The following ARID1B variants were observed in gnomAD, a reference collection of about 807,000 sequenced individuals.
The protein encoded by ARID1B is AT-rich interactive domain-containing protein 1B.
ARID1B carries 30 observed loss-of-function variants against 212.3 expected under a neutral mutation model. That is an observed-to-expected ratio of 0.14 (90% CI 0.11 to 0.19). ARID1B has a LOEUF of 0.19. Ranked by LOEUF, ARID1B falls within the 10% of genes least tolerant of loss-of-function variation. The probability of loss-of-function intolerance (pLI) is 1.00; values close to 1 mark genes in which losing one functional copy is unlikely to be tolerated. For synonymous variants in ARID1B, 1,402 were observed against 1,301.7 expected (o/e 1.08, Z -1.66); for missense variants, 2,891 against 3,204.0 (o/e 0.90, Z 2.36).
Position 157,198,804 on chromosome 6 carries a change from A to G in ARID1B, c.4383-7A>G, listed in dbSNP as rs112318565. The G allele has an allele frequency of 0.059, 94,160 of 1,604,956 alleles. 7,292 individuals are homozygous for G. The highest frequency in any genetic ancestry group is 0.39 in the African/African-American group (28,825 of 74,774). On this transcript the variant is annotated splice_polypyrimidine_tract_variant and splice_region_variant and intron_variant, in intron 16 of 19. Transcript: ENST00000636930. ...CAGTTAAGTTTTCTTTGAATGCCTC[A>G]TTCCAGGCATGAACCTTATGGGCAG...
chr6:157,035,251 T>G (rs1190798575), intron 4 of ARID1B, among the ~76,000 whole-genome samples: 2 of 152,254 alleles, frequency 1.3e-5, no homozygotes, highest in African/African-American at 4.8e-5. Flanking sequence ...TGTAATATAT[T>G]TTAAAAATAA....
intron 2 of ARID1B, among the ~76,000 whole-genome samples, chr6:156,832,606 G>A (rs575770684): frequency 6.6e-6 from 1 of 152,220 alleles, no homozygotes; most frequent in Non-Finnish European, 1.5e-5. Flanking sequence ...TACCAGCTGA[G>A]TGGTAAGTTG....
At position 156,990,486 on chromosome 6, in the gene ARID1B, C is replaced by T. The variant is rs1340390398; in HGVS notation, c.2247+54910C>T. ...TGAAACCCCGTCTCTACTAAAAATACAAAAATTAGCTGGGCGTGGTATCAT... is the reference window on the plus strand; with the variant it reads ...TGAAACCCCGTCTCTACTAAAAATATAAAAATTAGCTGGGCGTGGTATCAT... On this transcript the variant is annotated intron_variant, in intron 4 of 19. Coordinates refer to ENST00000636930, the MANE Select transcript of ARID1B (RefSeq NM_001374828.1). 2.0e-5 allele frequency among the ~76,000 whole-genome samples: 3 copies of T among 151,944 alleles called. No individual in the cohort carries two copies. The South Asian group carries it at 6.3e-4, about 32-fold the overall frequency.
At chr6:156,931,547 G>C (rs886079096) in intron 3 of ARID1B, among the ~76,000 whole-genome samples, 1 of 152,178 alleles carries the variant, frequency 6.6e-6, no homozygotes, top group African/African-American at 2.4e-5. Flanking sequence ...TGTTACAAGA[G>C]GCCTGGGCAC....
chr6:157,117,703 A>C (rs1012732012), intron 6 of ARID1B, among the ~76,000 whole-genome samples: 2 of 152,234 alleles, frequency 1.3e-5, no homozygotes, highest in Admixed American at 6.5e-5. Flanking sequence ...GCACAAGACA[A>C]CCGAACTAGA....
intron 1 of ARID1B, among the ~76,000 whole-genome samples, chr6:156,812,887 A>G (rs1781649211): frequency 1.3e-5 from 2 of 150,784 alleles, no homozygotes; most frequent in African/African-American, 4.9e-5. Flanking sequence ...AAAAAAAAAA[A>G]AAAAGCTTTC....
chr6:157,031,915 G>C (rs1397367525), intron 4 of ARID1B, among the ~76,000 whole-genome samples: 1 of 151,978 alleles, frequency 6.6e-6, no homozygotes, highest in Non-Finnish European at 1.5e-5. Flanking sequence ...CTCAGCCTCA[G>C]CCTCCCAAGT....
intron 2 of ARID1B, among the ~76,000 whole-genome samples, chr6:156,830,878 G>C (rs559631166): frequency 6.6e-6 from 1 of 152,336 alleles, no homozygotes; most frequent in East Asian, 1.9e-4. Flanking sequence ...TATTGGGGAA[G>C]ATAGAGGTAG....
intron 8 of ARID1B, 147 bp from the exon 9 acceptor site, chr6:157,166,893 C>T: frequency 8.8e-7 from 1 of 1,136,980 alleles, no homozygotes; most frequent in East Asian, 2.6e-5. Context: ...TTCAGCCTTT[C>T]TCTCCAGGAA....
chr6:157,057,442 A>G (rs939976440), intron 4 of ARID1B, among the ~76,000 whole-genome samples: 5 of 152,114 alleles, frequency 3.3e-5, no homozygotes, highest in African/African-American at 9.7e-5. Context: ...ACACACATCT[A>G]TAACTGTATA....
intron 4 of ARID1B, among the ~76,000 whole-genome samples, chr6:157,039,349 A>G (rs1172170009): frequency 5.0e-5 from 3 of 59,586 alleles, no homozygotes; most frequent in Non-Finnish European, 9.6e-5. Flanking sequence ...TTTGAGACGG[A>G]GTCTCGCTCT....
intron 19 of ARID1B, chr6:157,205,342 TA>T (rs1486568841): frequency 6.6e-6 from 1 of 152,268 alleles, no homozygotes; most frequent in Non-Finnish European, 1.5e-5. Flanking sequence ...CCTTGTTACT[TA>T]CTCTTTAGAG....
intron 3 of ARID1B, among the ~76,000 whole-genome samples, chr6:156,912,575 G>A (rs1789982460): frequency 6.6e-6 from 1 of 152,214 alleles, no homozygotes; most frequent in African/African-American, 2.4e-5. Flanking sequence ...ATCTCCCTCT[G>A]TCTTCAAACC....
chr6:156,812,514 G>A (rs954790140), intron 1 of ARID1B, among the ~76,000 whole-genome samples: 1 of 151,938 alleles, frequency 6.6e-6, no homozygotes, highest in African/African-American at 2.4e-5. Flanking sequence ...TACATCTTTT[G>A]TTTCTTCTGT....
At chr6:157,174,204 C>CT (rs1455990869) in intron 10 of ARID1B, 87 bp downstream of exon 10, 88 of 1,197,090 alleles carry the variant, frequency 7.4e-5, no homozygotes, top group African/African-American at 1.2e-4. Context: ...TTGGCCGACA[C>CT]TTTTTTTTCA....
At chr6:156,948,595 A>C (rs1490538874) in intron 4 of ARID1B, among the ~76,000 whole-genome samples, 1 of 152,226 alleles carries the variant, frequency 6.6e-6, no homozygotes, top group Non-Finnish European at 1.5e-5. Context: ...AAATGTTGAC[A>C]TCCTCAATTA....
chr6:157,143,494 G>T (rs1789517436), intron 7 of ARID1B, among the ~76,000 whole-genome samples: 1 of 149,696 alleles, frequency 6.7e-6, no homozygotes, highest in African/African-American at 2.5e-5. Context: ...GATGGGGGGG[G>T]TGATGTTAGT....
rs563801536 is a variant in ARID1B at position 157,058,056 on chromosome 6, G to A, written c.2248-26606G>A. On this transcript the variant is annotated intron_variant, in intron 4 of 19. Transcript: ENST00000636930. ...TGAACTGTAGTACTTAAGGAAAGCA[G>A]TGGCATAGTAAGGCAAGACAGACAC... 2.0e-5 allele frequency among the ~76,000 whole-genome samples: 3 copies of A among 152,280 alleles called. 1 individual carries two copies. The highest frequency in any genetic ancestry group is 7.2e-5 in the African/African-American group (3 of 41,566).
At position 157,203,992 on chromosome 6, in the gene ARID1B, C is replaced by T. The variant is rs190027529; in HGVS notation, c.5390C>T (p.Ser1797Phe). 9 of 1,613,988 alleles carry T rather than the reference C, an allele frequency of 5.6e-6. No individual in the cohort carries two copies. In the Admixed American group the frequency reaches 1.5e-4, roughly 27 times the overall value. Reference protein sequence around the residue: ...DDSTVATFNLSQLSGFLELLV... With the variant: ...DDSTVATFNLFQLSGFLELLV... Reference sequence around the variant, plus strand: ...AGCACTGTTGCTACTTTCAATCTCTCCCAGGTAAGCCAGCATAGTCCAACT... The same window carrying T: ...AGCACTGTTGCTACTTTCAATCTCTTCCAGGTAAGCCAGCATAGTCCAACT... The change falls in exon 19 of 20, where the codon TCC becomes TTC. Residue 1797 changes from serine (S) to phenylalanine (F), a missense_variant. Coordinates refer to ENST00000636930, the MANE Select transcript of ARID1B (RefSeq NM_001374828.1). This position sits in a 1 kb window ranked among gnomAD's most constrained non-coding sequence, Gnocchi z 4.4.
Sources: allele counts gnomAD v4.1 joint callset (sites outside exome capture counted in the v4.1 genomes callset), GRCh38; gene constraint gnomAD v4.1.1; non-coding constraint Gnocchi (gnomAD v3.1); transcripts MANE v1.5; gene names NCBI Gene and HGNC (gene_info 2026-07-23, HGNC 2026-07-21).